BBS9: variants seen among roughly 807,000 people sequenced by gnomAD.
The protein encoded by BBS9 is protein PTHB1.
A neutral mutation model predicts 117.7 loss-of-function variants in BBS9; 89 were observed. The observed-to-expected ratio is 0.76, with a 90% CI of 0.64 to 0.90. BBS9 has a LOEUF of 0.90. BBS9 is among the 40% of genes least tolerant of loss of function. The pLI is 0.00. For missense variants in BBS9, 982 were observed against 1,042.2 expected (o/e 0.94, Z 0.80); for synonymous variants, 379 against 370.9 (o/e 1.02, Z -0.25).
At chr7:33,522,535 T>A (rs1362231477) in intron 20 of BBS9, among the ~76,000 whole-genome samples, 8 of 152,176 alleles carry the variant, frequency 5.3e-5, no homozygotes, top group African/African-American at 1.9e-4. Context: ...TTTGGCTGCA[T>A]AAACGTCTTC....
At chr7:33,521,489 A>T (rs1848586554) in intron 20 of BBS9, among the ~76,000 whole-genome samples, 1 of 152,178 alleles carries the variant, frequency 6.6e-6, no homozygotes, top group South Asian at 2.1e-4. Flanking sequence ...GATACGGAGA[A>T]CTCCAAAAGT....
chr7:33,202,804 TG>T (rs1336196957), intron 5 of BBS9, among the ~76,000 whole-genome samples: 1 of 152,070 alleles, frequency 6.6e-6, no homozygotes, highest in South Asian at 2.1e-4. Context: ...AGATTTGTGG[TG>T]GGGGGGAACA....
At chr7:33,173,530 C>T (rs1269288681) in intron 4 of BBS9, among the ~76,000 whole-genome samples, 1 of 151,080 alleles carries the variant, frequency 6.6e-6, no homozygotes, top group Non-Finnish European at 1.5e-5. Flanking sequence ...TGAGATTGCG[C>T]CACTGCACTC....
Position 33,215,544 on chromosome 7 carries a change from A to G in BBS9, c.442+37953A>G, listed in dbSNP as rs1202394036. On this transcript the variant is annotated intron_variant, in intron 5 of 22. Transcript: ENST00000242067. ...ACCTGAAAATAGATTAAGACCTGAA[A>G]CTATGAAACTACTAAAAGAAAACAC... Among the ~76,000 whole-genome samples the G allele has an allele frequency of 5.3e-5, 8 of 152,348 alleles. No homozygotes were observed. In the East Asian group the frequency reaches 1.5e-3, roughly 29 times the overall value.
At chr7:33,607,368 A>G (rs545119625), downstream of BBS9, among the ~76,000 whole-genome samples, 1 of 152,258 alleles carries the variant, frequency 6.6e-6, no homozygotes, top group East Asian at 1.9e-4. Context: ...AATCTTGAAA[A>G]TTCAATACTT....
At chr7:33,331,968 G>C (rs1814165290) in intron 9 of BBS9, among the ~76,000 whole-genome samples, 2 of 152,014 alleles carry the variant, frequency 1.3e-5, no homozygotes, top group African/African-American at 4.8e-5. Flanking sequence ...AATTCTTATG[G>C]AACCAAAAAA....
intron 5 of BBS9, among the ~76,000 whole-genome samples, chr7:33,219,303 C>T (rs916867355): frequency 6.6e-5 from 10 of 152,188 alleles, no homozygotes; most frequent in African/African-American, 2.2e-4. Context: ...CGGTGAGCGC[C>T]GCCCCGTGCT....
At chr7:33,253,628 A>T (rs145727794) in intron 5 of BBS9, among the ~76,000 whole-genome samples, 2 of 152,260 alleles carry the variant, frequency 1.3e-5, no homozygotes, top group African/African-American at 4.8e-5. Flanking sequence ...AAACAAAAAG[A>T]TGTTTATTTC....
At chr7:33,355,338 C>T (rs1819431124) in intron 15 of BBS9, among the ~76,000 whole-genome samples, 1 of 151,802 alleles carries the variant, frequency 6.6e-6, no homozygotes. Flanking sequence ...TCTGATGAAC[C>T]TCATGTCTAA....
intron 19 of BBS9, 114 bp downstream of exon 19, chr7:33,388,258 A>G (rs1041117258): frequency 4.8e-6 from 6 of 1,260,734 alleles, no homozygotes; most frequent in African/African-American, 3.0e-5. Flanking sequence ...GCTTTAAGGA[A>G]CAGTGAACAG....
intron 9 of BBS9, among the ~76,000 whole-genome samples, chr7:33,298,841 A>G (rs1377646389): frequency 6.6e-6 from 1 of 152,208 alleles, no homozygotes; most frequent in Non-Finnish European, 1.5e-5. Context: ...TAGTCCACAT[A>G]GAGGCGAGGC....
chr7:33,411,011 G>GTTTTGTTTTTTTTTTTTTTTTTTTT (rs1831033488), intron 19 of BBS9, among the ~76,000 whole-genome samples: 1 of 96,424 alleles, frequency 1.0e-5, no homozygotes, highest in African/African-American at 3.4e-5. Context: ...AAATGTTGGT[G>GTTTTGTTTTTTTTTTTTTTTTTTTT]TTTTTTTTTT....
chr7:33,434,091 TC>T (rs1834923482), intron 19 of BBS9, among the ~76,000 whole-genome samples: 1 of 151,632 alleles, frequency 6.6e-6, no homozygotes, highest in South Asian at 2.1e-4. Context: ...AAATATTTTT[TC>T]ATAGTTTTTT....
chr7:33,197,302 A>G (rs907046083), intron 5 of BBS9, among the ~76,000 whole-genome samples: 6 of 152,078 alleles, frequency 3.9e-5, no homozygotes, highest in East Asian at 1.9e-4. Context: ...AAGCTGTTAA[A>G]TATCCTACTC....
At position 33,153,165 on chromosome 7, in the gene BBS9, A is replaced by G. The variant is rs575007740; in HGVS notation, c.263+314A>G. ...GAAGTATCTACTTATTTAAAGTTAT[A>G]TAAGTGTCCATTTATAATTAGATGA... is the stretch of plus-strand genomic sequence containing the variant. On this transcript the variant is annotated intron_variant, in intron 3 of 22. Transcript: ENST00000242067. Among the ~76,000 whole-genome samples, 15 of 152,354 alleles carry G rather than the reference A, an allele frequency of 9.8e-5. No homozygotes were observed. In the South Asian group the frequency reaches 1.0e-3, roughly 11 times the overall value.
intron 2 of BBS9, among the ~76,000 whole-genome samples, chr7:33,147,440 G>C (rs945563890): frequency 6.6e-6 from 1 of 152,182 alleles, no homozygotes; most frequent in East Asian, 1.9e-4. Flanking sequence ...TAAAGCAGAA[G>C]AGTGGGAGTA....
intron 19 of BBS9, among the ~76,000 whole-genome samples, chr7:33,410,273 A>C (rs999816303): frequency 1.3e-5 from 2 of 152,140 alleles, no homozygotes; most frequent in Admixed American, 1.3e-4. Context: ...AGTACTGATC[A>C]TCTCAAATGT....
chr7:33,398,013 A>T (rs34727275), intron 19 of BBS9, among the ~76,000 whole-genome samples: 343 of 152,328 alleles, frequency 2.3e-3, no homozygotes, highest in African/African-American at 8.1e-3. Context: ...AATTAAAAAA[A>T]TTGATGAGCA....
At chr7:33,247,560 A>T (rs1215786833) in intron 5 of BBS9, among the ~76,000 whole-genome samples, 1 of 152,172 alleles carries the variant, frequency 6.6e-6, no homozygotes, top group African/African-American at 2.4e-5. Flanking sequence ...CTCTTTCTCA[A>T]CCTGCAAGAC....
Sources: gnomAD v4.1 joint callset for allele counts (sites outside exome capture counted in the v4.1 genomes callset) on GRCh38, gnomAD v4.1.1 for gene constraint, MANE v1.5 for transcripts, NCBI Gene and HGNC (gene_info 2026-07-23, HGNC 2026-07-21) for gene names.